Variants in GADL1 observed in about 807,000 individuals in gnomAD.
GADL1 encodes acidic amino acid decarboxylase GADL1.
A neutral mutation model predicts 69.5 loss-of-function variants in GADL1; 71 were observed. That is an observed-to-expected ratio of 1.02 (90% CI 0.84 to 1.25). The LOEUF (loss-of-function observed/expected upper bound fraction) is 1.25. Ranked by LOEUF, GADL1 falls within the 50% of genes most tolerant of loss-of-function variation. The pLI is 0.00. For missense variants in GADL1, 737 were observed against 631.8 expected, an observed-to-expected ratio of 1.17 and a Z score of -1.79; for synonymous variants, 254 against 214.4, an observed-to-expected ratio of 1.18 and a Z score of -1.62.
intron 14 of GADL1, among the ~76,000 whole-genome samples, chr3:30,736,365 C>T (rs1344202635): frequency 6.6e-6 from 1 of 152,082 alleles, no homozygotes; most frequent in Non-Finnish European, 1.5e-5. Context: ...TCATATTTCT[C>T]TTCCATTCAG....
At chr3:30,847,742 T>C (rs978212022) in intron 6 of GADL1, among the ~76,000 whole-genome samples, 1 of 152,222 alleles carries the variant, frequency 6.6e-6, no homozygotes, top group Admixed American at 6.5e-5. Flanking sequence ...CAGCTTCTGC[T>C]GACATGTTAG....
At chr3:30,763,396 G>GGGA (rs1446043050) in intron 14 of GADL1, among the ~76,000 whole-genome samples, 1 of 136,734 alleles carries the variant, frequency 7.3e-6, no homozygotes, top group African/African-American at 2.8e-5. Flanking sequence ...CCAGCTACTT[G>GGGA]GGAGGATGAG....
At chr3:30,746,333 A>G (rs1419091723) in intron 14 of GADL1, among the ~76,000 whole-genome samples, 1 of 152,186 alleles carries the variant, frequency 6.6e-6, no homozygotes, top group Admixed American at 6.5e-5. Flanking sequence ...ACTTTAAGGT[A>G]CCACTCACTG....
At chr3:30,856,374 C>T (rs1397209591) in intron 3 of GADL1, among the ~76,000 whole-genome samples, 1 of 152,062 alleles carries the variant, frequency 6.6e-6, no homozygotes, top group African/African-American at 2.4e-5. Context: ...AATGGTGCCT[C>T]AGTGTAAGAT....
chr3:30,800,678 T>G, intron 12 of GADL1: 1 of 575,180 alleles, frequency 1.7e-6, no homozygotes, highest in Non-Finnish European at 3.1e-6. Context: ...GCTCTGTTCA[T>G]AATTCCTAAC....
chr3:30,781,468 A>T (rs1696663738), intron 13 of GADL1, among the ~76,000 whole-genome samples: 1 of 152,242 alleles, frequency 6.6e-6, no homozygotes, highest in East Asian at 1.9e-4. Flanking sequence ...AATAAATGTA[A>T]ATGCAGAATC....
chr3:30,747,762 A>G (rs1415832327), intron 14 of GADL1, among the ~76,000 whole-genome samples: 3 of 152,118 alleles, frequency 2.0e-5, no homozygotes, highest in African/African-American at 7.2e-5. Context: ...TATCCTGTAA[A>G]TATTTTCAGT....
intron 11 of GADL1, among the ~76,000 whole-genome samples, 164 bp downstream of exon 11, chr3:30,833,689 T>C (rs980999440): frequency 6.6e-6 from 1 of 152,102 alleles, no homozygotes; most frequent in African/African-American, 2.4e-5. Flanking sequence ...AAATATTTTA[T>C]CTAGGCTTAT....
At chr3:30,832,424 G>A (rs1189999087) in intron 11 of GADL1, among the ~76,000 whole-genome samples, 2 of 151,552 alleles carry the variant, frequency 1.3e-5, no homozygotes, top group African/African-American at 2.4e-5. Flanking sequence ...TTCAGTTGTT[G>A]TCTAAATTAC....
intron 1 of GADL1, among the ~76,000 whole-genome samples, chr3:30,874,990 C>T (rs1035934789): frequency 1.3e-5 from 2 of 151,902 alleles, no homozygotes; most frequent in African/African-American, 4.8e-5. Flanking sequence ...TGGCTCAGAG[C>T]TCAGCTCAGC....
chr3:30,886,117 C>T (rs1220381750), intron 1 of GADL1, among the ~76,000 whole-genome samples: 1 of 152,078 alleles, frequency 6.6e-6, no homozygotes, highest in African/African-American at 2.4e-5. Flanking sequence ...ATGAAAATTA[C>T]TAATATTTGA....
At chr3:30,734,016 A>G (rs1331361345) in intron 14 of GADL1, among the ~76,000 whole-genome samples, 1 of 152,206 alleles carries the variant, frequency 6.6e-6, no homozygotes, top group Non-Finnish European at 1.5e-5. Flanking sequence ...TAACCATCTG[A>G]GAAAAGCCAA....
intron 2 of GADL1, among the ~76,000 whole-genome samples, chr3:30,858,909 A>G (rs1349035090): frequency 6.6e-6 from 1 of 151,952 alleles, no homozygotes; most frequent in Non-Finnish European, 1.5e-5. Context: ...CACGCCAGAG[A>G]GGTAGGGAGA....
intron 1 of GADL1, among the ~76,000 whole-genome samples, chr3:30,886,617 G>A (rs1233438502): frequency 6.6e-6 from 1 of 152,152 alleles, no homozygotes; most frequent in Non-Finnish European, 1.5e-5. Context: ...TGTTGAGGTA[G>A]AATGACTTCT....
chr3:30,891,604 C>T (rs370487909), intron 1 of GADL1, among the ~76,000 whole-genome samples: 17 of 151,774 alleles, frequency 1.1e-4, no homozygotes, highest in Middle Eastern at 3.4e-3. Flanking sequence ...CTGGGTTTAA[C>T]GCCCAGAGCT....
chr3:30,810,408 TAGATATAG>T (rs1697327063), intron 11 of GADL1, among the ~76,000 whole-genome samples: 1 of 151,740 alleles, frequency 6.6e-6, no homozygotes, highest in Admixed American at 6.6e-5. Flanking sequence ...GATACATAGG[TAGATATAG>T]AGATATATAT....
At chr3:30,794,510 G>GC (rs1696989208) in intron 12 of GADL1, among the ~76,000 whole-genome samples, 1 of 152,148 alleles carries the variant, frequency 6.6e-6, no homozygotes. Flanking sequence ...TTAAACCTGA[G>GC]CCCCCTGGGT....
intron 14 of GADL1, among the ~76,000 whole-genome samples, chr3:30,773,759 T>C (rs1696473367): frequency 6.6e-6 from 1 of 152,212 alleles, no homozygotes; most frequent in Non-Finnish European, 1.5e-5. Flanking sequence ...TCTTAGTAGC[T>C]TCTCCTCCAT....
Position 30,861,613 on chromosome 3 carries a change from C to A in GADL1, c.190G>T (p.Ala64Ser). The change falls in exon 2 of 15, where the codon GCT becomes TCT. Residue 64 changes from alanine (A) to serine (S), a missense_variant. Coordinates refer to ENST00000282538, the MANE Select transcript of GADL1 (RefSeq NM_207359.3). ...TTTACCTTCTCATTGACATCTGTAGCTTTCAAAACCACCTCTTCCATTATT... is the reference window on the plus strand; with the variant it reads ...TTTACCTTCTCATTGACATCTGTAGATTTCAAAACCACCTCTTCCATTATT... Reference protein sequence around the residue: ...RLIMEEVVLKATDVNEKVCEW... With the variant: ...RLIMEEVVLKSTDVNEKVCEW... The A allele has an allele frequency of 1.3e-6, 2 of 1,547,660 alleles. No homozygotes were observed. The highest frequency in any genetic ancestry group is 1.7e-6 in the Non-Finnish European group (2 of 1,145,264).
Sources: gnomAD v4.1 joint callset for allele counts (sites outside exome capture counted in the v4.1 genomes callset) on GRCh38, gnomAD v4.1.1 for gene constraint, MANE v1.5 for transcripts, NCBI Gene and HGNC (gene_info 2026-07-23, HGNC 2026-07-21) for gene names.